The following ZNF274 variants were observed in gnomAD, a reference collection of about 807,000 sequenced individuals.
ZNF274 encodes the protein neurotrophin receptor-interacting factor homolog.
ZNF274 carries 23 observed loss-of-function variants against 42.5 expected under a neutral mutation model. The observed-to-expected ratio is 0.54, with a 90% CI of 0.39 to 0.77. The LOEUF (loss-of-function observed/expected upper bound fraction) is 0.77. ZNF274 is among the 30% of genes least tolerant of loss of function. The pLI is 0.00. For missense variants in ZNF274, 679 were observed against 806.5 expected, an observed-to-expected ratio of 0.84 and a Z score of 1.91; for synonymous variants, 292 against 305.4, an observed-to-expected ratio of 0.96 and a Z score of 0.46.
At chr19:58,190,850 T>A (rs2075771543) in intron 4 of ZNF274, among the ~76,000 whole-genome samples, 1 of 152,212 alleles carries the variant, frequency 6.6e-6, no homozygotes, top group Non-Finnish European at 1.5e-5. Context: ...CTGTGACATC[T>A]GCACCTAACC....
chr19:58,183,855 G>A, intron 1 of ZNF274, 66 bp from the exon 2 acceptor site: 1 of 1,124,348 alleles, frequency 8.9e-7, no homozygotes, highest in Non-Finnish European at 1.3e-6. Flanking sequence ...CCTGGGCGGA[G>A]GCTGCGGTAG....
chr19:58,183,737 C>T (rs2075659806), intron 1 of ZNF274, 184 bp from the exon 2 acceptor site: 1 of 526,296 alleles, frequency 1.9e-6, no homozygotes, highest in Non-Finnish European at 3.4e-6. Context: ...TCGGTGTCCT[C>T]TCGGGGAGGG....
At position 58,212,708 on chromosome 19, in the gene ZNF274, C is replaced by A; in HGVS notation, c.1527C>A (p.Cys509Ter). Residue 509 changes from cysteine (C) to a stop codon, truncating the protein, a stop_gained, in exon 8 of 8, where the codon TGC becomes TGA. Transcript: ENST00000617501. LOFTEE classifies it high-confidence loss of function. This position sits in a 1 kb window ranked among gnomAD's most constrained non-coding sequence, Gnocchi z 4.6. The part of the protein sequence containing the change: ...RIHKGSQVCR[C>*]SECGKIFRNP... ...ACAAGGGGAGCCAAGTTTGCCGATG[C>A]AGTGAATGTGGTAAAATATTCCGGA... The A allele has an allele frequency of 6.2e-7, 1 of 1,613,994 alleles. No individual in the cohort carries two copies. The highest frequency in any genetic ancestry group is 8.5e-7 in the Non-Finnish European group (1 of 1,179,896).
Position 58,213,505 on chromosome 19 carries a change from A to T in ZNF274, c.*362A>T, listed in dbSNP as rs1407137318. 5.0e-6 allele frequency: 1 copy of T among 201,004 alleles called. No individual in the cohort carries two copies. Among genetic ancestry groups the T allele is most frequent in the African/African-American group, 2.3e-5 (1 of 43,222 alleles). 12.5% of individuals were successfully genotyped at this position (201,004 alleles called of 1,614,324 possible). On this transcript the variant is annotated 3_prime_UTR_variant, in exon 8 of 8. Coordinates refer to ENST00000617501, the MANE Select transcript of ZNF274 (RefSeq NM_133502.3). Reference sequence around the variant, plus strand: ...CCACAGTACCACAGTATTTATGTGTATGAATTAAGGATTAAAAGATAATGT... The same window carrying T: ...CCACAGTACCACAGTATTTATGTGTTTGAATTAAGGATTAAAAGATAATGT...
intron 1 of ZNF274, chr19:58,183,651 G>C: frequency 3.5e-6 from 1 of 288,284 alleles, no homozygotes; most frequent in Non-Finnish European, 6.6e-6. Context: ...CCGCGGTGGA[G>C]AGAACAGATC....
intron 4 of ZNF274, among the ~76,000 whole-genome samples, chr19:58,201,953 G>A (rs1480345151): frequency 6.6e-6 from 1 of 152,194 alleles, no homozygotes; most frequent in Non-Finnish European, 1.5e-5. Context: ...ACTTAGGGGT[G>A]TGAGATCCAC....
In ZNF274 at chr19:58,189,732, T is replaced by C. The variant is rs1348064196; in HGVS notation, c.256+2690T>C. On this transcript the variant is annotated intron_variant, in intron 4 of 7. Transcript: ENST00000617501. Reference sequence around the variant, plus strand: ...TTGTTGGGATGTGTATTACATTTAATTAGGTTTTCATTATTACTATTACCT... The same window carrying C: ...TTGTTGGGATGTGTATTACATTTAACTAGGTTTTCATTATTACTATTACCT... Among the ~76,000 whole-genome samples the C allele has an allele frequency of 2.0e-5, 3 of 152,234 alleles. No individual in the cohort carries two copies. The East Asian group carries it at 5.8e-4, about 29-fold the overall frequency.
chr19:58,203,605 C>G (rs1326780149), intron 4 of ZNF274, among the ~76,000 whole-genome samples: 1 of 147,832 alleles, frequency 6.8e-6, no homozygotes, highest in Non-Finnish European at 1.5e-5. Context: ...AAGAAAAAAA[C>G]GCTGTAATTG....
intron 4 of ZNF274, among the ~76,000 whole-genome samples, chr19:58,188,699 T>TAC (rs1176025011): frequency 3.4e-5 from 3 of 88,044 alleles, no homozygotes; most frequent in Non-Finnish European, 7.0e-5. Flanking sequence ...TATATGTATA[T>TAC]ATATATATAT....
intron 4 of ZNF274, among the ~76,000 whole-genome samples, chr19:58,196,675 A>G (rs879882905): frequency 6.6e-6 from 1 of 152,220 alleles, no homozygotes; most frequent in South Asian, 2.1e-4. Flanking sequence ...TCTTCTTGAG[A>G]TTCCATCCTT....
intron 4 of ZNF274, among the ~76,000 whole-genome samples, chr19:58,196,888 A>G (rs1411647712): frequency 6.6e-6 from 1 of 152,206 alleles, no homozygotes; most frequent in Non-Finnish European, 1.5e-5. Flanking sequence ...AAATGAAGTA[A>G]GTCCTTTTCA....
chr19:58,199,875 G>T (rs560896718), intron 4 of ZNF274, among the ~76,000 whole-genome samples: 3 of 152,232 alleles, frequency 2.0e-5, no homozygotes, highest in Non-Finnish European at 4.4e-5. Flanking sequence ...TGGAAGACTT[G>T]ATAAATAGAA....
intron 5 of ZNF274, chr19:58,209,483 T>G (rs1480738473): frequency 6.6e-6 from 1 of 152,590 alleles, no homozygotes; most frequent in Non-Finnish European, 1.5e-5. Context: ...CTTGGTGACG[T>G]TCACCTCAAG....
At chr19:58,202,856 C>A (rs1213161985) in intron 4 of ZNF274, among the ~76,000 whole-genome samples, 1 of 152,198 alleles carries the variant, frequency 6.6e-6, no homozygotes, top group Admixed American at 6.6e-5. Context: ...TGTGGTCTCT[C>A]TGTTCACTGT....
chr19:58,213,156 T>A lies in ZNF274; in HGVS notation c.*13T>A. On this transcript the variant is annotated 3_prime_UTR_variant, in exon 8 of 8. Coordinates refer to ENST00000617501, the MANE Select transcript of ZNF274 (RefSeq NM_133502.3). ...GCCTACCTCATAGCTCTCAAGCCAG[T>A]TGAAGAAACCTTGCCTTTTCAGCTT... 1 of 1,592,264 alleles carries A rather than the reference T, an allele frequency of 6.3e-7. No individual in the cohort carries two copies. The highest frequency in any genetic ancestry group is 8.6e-7 in the Non-Finnish European group (1 of 1,168,594).
intron 4 of ZNF274, among the ~76,000 whole-genome samples, chr19:58,194,714 ATCTTTT>A (rs1278321783): frequency 6.6e-6 from 1 of 151,250 alleles, no homozygotes; most frequent in Non-Finnish European, 1.5e-5. Flanking sequence ...ATAATTTTTA[ATCTTTT>A]TCTTCGGCCG....
chr19:58,188,220 A>G (rs926161857), intron 4 of ZNF274, among the ~76,000 whole-genome samples: 1 of 152,090 alleles, frequency 6.6e-6, no homozygotes, highest in African/African-American at 2.4e-5. Flanking sequence ...GGTAGTGACA[A>G]ATTGCCATCT....
At chr19:58,183,827 C>T in intron 1 of ZNF274, 94 bp from the exon 2 acceptor site, 1 of 806,522 alleles carries the variant, frequency 1.2e-6, no homozygotes, top group East Asian at 2.7e-5. Context: ...CTTGTCATTT[C>T]CCGCTGAGGG....
intron 2 of ZNF274, chr19:58,184,469 T>G (rs1358852031): frequency 6.4e-6 from 1 of 156,062 alleles, no homozygotes; most frequent in East Asian, 1.9e-4. Context: ...TTTTTTTTTA[T>G]TTTTATTTTT....
Sources: gnomAD v4.1 joint callset for allele counts (sites outside exome capture counted in the v4.1 genomes callset) on GRCh38, gnomAD v4.1.1 for gene constraint, Gnocchi (gnomAD v3.1) non-coding constraint, MANE v1.5 for transcripts, NCBI Gene and HGNC (gene_info 2026-07-23, HGNC 2026-07-21) for gene names.